RCHY1: variants seen among roughly 807,000 people sequenced by gnomAD.
RCHY1 encodes the protein RING finger and CHY zinc finger domain-containing protein 1.
RCHY1 carries 21 observed loss-of-function variants against 41.6 expected under a neutral mutation model. The ratio of observed to expected loss-of-function variants is 0.51; its 90% CI spans 0.36 to 0.73. RCHY1 has a LOEUF of 0.73. Ranked by LOEUF, RCHY1 falls within the 30% of genes least tolerant of loss-of-function variation. The pLI is 0.00. For missense variants in RCHY1, 265 were observed against 325.3 expected (o/e 0.81, Z 1.43); for synonymous variants, 79 against 102.9 (o/e 0.77, Z 1.41).
chr4:75,495,533 C>G (rs1723121469), intron 3 of RCHY1, among the ~76,000 whole-genome samples: 2 of 151,922 alleles, frequency 1.3e-5, no homozygotes, highest in African/African-American at 4.8e-5. Flanking sequence ...TGCATTGTAC[C>G]CTCAAGAGGA....
At chr4:75,499,703 G>A (rs1470816457) in intron 3 of RCHY1, among the ~76,000 whole-genome samples, 2 of 152,196 alleles carry the variant, frequency 1.3e-5, no homozygotes, top group African/African-American at 4.8e-5. Flanking sequence ...TCAATCATAT[G>A]TGGGAGCTAA....
At chr4:75,486,891 A>G (rs1407522583) in intron 8 of RCHY1, among the ~76,000 whole-genome samples, 2 of 152,126 alleles carry the variant, frequency 1.3e-5, no homozygotes, top group Non-Finnish European at 2.9e-5. Context: ...AGGCAGAAGA[A>G]TTGCTTAAAC....
Position 75,509,231 on chromosome 4 carries a change from T to C in RCHY1, c.156A>G (p.Leu52=). 2 of 1,613,268 alleles carry C rather than the reference T, an allele frequency of 1.2e-6. No individual in the cohort carries two copies. Among genetic ancestry groups the C allele is most frequent in the South Asian group, 1.1e-5 (1 of 91,004 alleles). Reference sequence around the variant, plus strand: ...GCACTTCCTTCACTTTAAAGCGATCTAGTTGATGATCTTCATTGTTATCAT... The same window carrying C: ...GCACTTCCTTCACTTTAAAGCGATCCAGTTGATGATCTTCATTGTTATCAT... The part of the protein sequence containing the change: ...LCHDNNEDHQ[L]DRFKVKEVQC... The change falls in exon 2 of 9, where the codon CTA becomes CTG. Residue 52 remains leucine, a synonymous_variant. Coordinates refer to ENST00000324439, the MANE Select transcript of RCHY1 (RefSeq NM_015436.4).
intron 3 of RCHY1, among the ~76,000 whole-genome samples, chr4:75,499,672 A>G (rs1723560752): frequency 6.6e-6 from 1 of 152,228 alleles, no homozygotes; most frequent in African/African-American, 2.4e-5. Context: ...CCAACCACAG[A>G]AAGACAAATA....
intron 1 of RCHY1, among the ~76,000 whole-genome samples, chr4:75,512,545 G>T (rs909411690): frequency 6.6e-6 from 1 of 151,986 alleles, no homozygotes; most frequent in South Asian, 2.1e-4. Context: ...ATTATAAAAC[G>T]TTCTCACTCT....
chr4:75,487,510 CATA>C (rs1229008770), intron 8 of RCHY1, among the ~76,000 whole-genome samples: 2 of 126,374 alleles, frequency 1.6e-5, no homozygotes, highest in East Asian at 2.2e-4. Context: ...TATATATATT[CATA>C]ATATATATAT....
intron 1 of RCHY1, among the ~76,000 whole-genome samples, chr4:75,513,568 GGA>G (rs2148790131): frequency 6.6e-6 from 1 of 151,942 alleles, no homozygotes; most frequent in Admixed American, 6.6e-5. Context: ...TTTCTTGCAA[GGA>G]AAATCAGGAA....
At chr4:75,504,436 T>G (rs1314698273) in intron 3 of RCHY1, among the ~76,000 whole-genome samples, 1 of 152,230 alleles carries the variant, frequency 6.6e-6, no homozygotes, top group Non-Finnish European at 1.5e-5. Context: ...CATTTCCACT[T>G]AATGAACAGT....
At chr4:75,511,243 A>G (rs6835579) in intron 1 of RCHY1, among the ~76,000 whole-genome samples, 102,681 of 151,874 alleles carry the variant, frequency 0.68, 35,844 homozygotes, top group African/African-American at 0.86. Flanking sequence ...AATCATATTC[A>G]TTAAAAGTCT....
intron 4 of RCHY1, 66 bp from the exon 5 acceptor site, chr4:75,491,999 T>G (rs1240758035): frequency 2.8e-5 from 35 of 1,243,302 alleles, no homozygotes; most frequent in Non-Finnish European, 3.9e-5. Context: ...TATAAAAATA[T>G]TAATAATAAA....
chr4:75,499,613 T>C (rs72866234), intron 3 of RCHY1, among the ~76,000 whole-genome samples: 3,698 of 152,238 alleles, frequency 0.024, 159 homozygotes, highest in African/African-American at 0.084. Flanking sequence ...AATCCTGTAA[T>C]TTACAGCAAC....
chr4:75,495,081 T>C (rs962327732), intron 3 of RCHY1, among the ~76,000 whole-genome samples: 41 of 152,122 alleles, frequency 2.7e-4, no homozygotes, highest in African/African-American at 8.7e-4. Context: ...TTCATTCGCA[T>C]GTATTATATT....
At chr4:75,506,366 T>C (rs1841934) in intron 3 of RCHY1, among the ~76,000 whole-genome samples, 104,165 of 151,542 alleles carry the variant, frequency 0.69, 37,088 homozygotes, top group African/African-American at 0.89. Flanking sequence ...GAAAACAAAA[T>C]TTACCCATAG....
chr4:75,512,059 ATAGAT>A (rs1274830349), intron 1 of RCHY1, among the ~76,000 whole-genome samples: 2 of 152,172 alleles, frequency 1.3e-5, no homozygotes, highest in Non-Finnish European at 2.9e-5. Flanking sequence ...CTCTACACTC[ATAGAT>A]AACAATCCCA....
intron 8 of RCHY1, among the ~76,000 whole-genome samples, chr4:75,487,074 A>G (rs894287581): frequency 2.6e-5 from 4 of 152,180 alleles, no homozygotes; most frequent in African/African-American, 7.2e-5. Flanking sequence ...GTTCAAAAGA[A>G]AGAATTTTAA....
chr4:75,487,577 C>CAT (rs372405343), intron 8 of RCHY1, among the ~76,000 whole-genome samples: 1 of 46,056 alleles, frequency 2.2e-5, no homozygotes, highest in Non-Finnish European at 4.1e-5. Context: ...TATATATATT[C>CAT]ATATATATAT....
intron 8 of RCHY1, among the ~76,000 whole-genome samples, chr4:75,489,564 T>TATTGCAGATTGAC (rs71203819): frequency 2.0e-5 from 3 of 152,260 alleles, no homozygotes; most frequent in Admixed American, 6.5e-5. Context: ...TGCAGATTGA[T>TATTGCAGATTGAC]GGTAATCAGA....
rs1165278786 is a variant in RCHY1 at position 75,509,564 on chromosome 4, C to T, written c.91-268G>A. 2.5e-5 allele frequency: 8 copies of T among 324,284 alleles called. No homozygotes were observed. The East Asian group carries it at 4.4e-4, about 18-fold the overall frequency. The allele number at this position is 324,284 out of a possible 1,614,324, so 20.1% of individuals were successfully genotyped here. A position where few individuals can be genotyped will look rare whatever the true frequency, so the allele number is the denominator to read the frequency against. ...TATGAAGGAAATCCCTAGATTGAAA[C>T]ACTAATCCCACAACACCTGATATGC... On this transcript the variant is annotated intron_variant, in intron 1 of 8. Transcript: ENST00000324439.
chr4:75,511,451 T>A (rs951952373), intron 1 of RCHY1, among the ~76,000 whole-genome samples: 23 of 152,324 alleles, frequency 1.5e-4, no homozygotes, highest in African/African-American at 4.8e-4. Flanking sequence ...ACTACCCAAA[T>A]GTGAATGACT....
Sources: allele counts gnomAD v4.1 joint callset (sites outside exome capture counted in the v4.1 genomes callset), GRCh38; gene constraint gnomAD v4.1.1; transcripts MANE v1.5; gene names NCBI Gene and HGNC (gene_info 2026-07-23, HGNC 2026-07-21).